The following NXPE2 variants were observed in gnomAD, a reference collection of about 807,000 sequenced individuals.
The protein encoded by NXPE2 is NXPE family member 2.
NXPE2 carries 34 observed loss-of-function variants against 34.4 expected under a neutral mutation model. The ratio of observed to expected loss-of-function variants is 0.99; its 90% CI spans 0.75 to 1.31. The LOEUF is 1.31. Ranked by LOEUF, NXPE2 falls within the 40% of genes most tolerant of loss-of-function variation. The pLI is 0.00. For missense variants in NXPE2, 649 were observed against 672.5 expected (o/e 0.97, Z 0.39); for synonymous variants, 235 against 231.3 (o/e 1.02, Z -0.15).
the NXPE2 span, among the ~76,000 whole-genome samples, chr11:114,597,878 A>G: frequency 6.6e-6 from 1 of 152,144 alleles, no homozygotes; most frequent in Non-Finnish European, 1.5e-5. Flanking sequence ...ATTTCAAAAT[A>G]CAATCATTGT....
At chr11:114,809,051 A>G in the NXPE2 span, among the ~76,000 whole-genome samples, 3 of 152,346 alleles carry the variant, frequency 2.0e-5, no homozygotes, top group Non-Finnish European at 2.9e-5. Context: ...ACACAAATCA[A>G]TAAATGTAAC....
the NXPE2 span, among the ~76,000 whole-genome samples, chr11:114,799,971 CTCCTCCCTCTCCCTCTT>C: frequency 9.1e-6 from 1 of 109,714 alleles, no homozygotes; most frequent in Non-Finnish European, 2.2e-5. Flanking sequence ...CTCTGTCTCC[CTCCTCCCTCTCCCTCTT>C]TCTTTCTAGG....
chr11:114,610,839 A>G, the NXPE2 span, among the ~76,000 whole-genome samples: 4 of 151,472 alleles, frequency 2.6e-5, no homozygotes, highest in African/African-American at 9.7e-5. Context: ...GATAATAAGT[A>G]TTGCCTCTAG....
At chr11:114,603,863 G>T in the NXPE2 span, among the ~76,000 whole-genome samples, 2 of 151,030 alleles carry the variant, frequency 1.3e-5, no homozygotes, top group Non-Finnish European at 2.9e-5. Context: ...CCTCTCCTAG[G>T]TAACTAATAT....
At chr11:114,773,279 A>ACCC in the NXPE2 span, among the ~76,000 whole-genome samples, 158 of 69,394 alleles carry the variant, frequency 2.3e-3, no homozygotes, top group African/African-American at 6.2e-3. Context: ...ACCCACTCCC[A>ACCC]CCCCCCCCCC....
the NXPE2 span, among the ~76,000 whole-genome samples, chr11:114,722,272 AT>A: frequency 6.6e-6 from 1 of 152,094 alleles, no homozygotes. Flanking sequence ...ATGAGATCTA[AT>A]GGTTTTATAA....
chr11:114,526,316 C>T, the NXPE2 span, among the ~76,000 whole-genome samples: 1 of 152,164 alleles, frequency 6.6e-6, no homozygotes, highest in East Asian at 1.9e-4. Flanking sequence ...TTTATTATAG[C>T]AGCAATAAGA....
the NXPE2 span, chr11:114,570,897 T>G: frequency 7.0e-7 from 1 of 1,431,026 alleles, no homozygotes; most frequent in South Asian, 1.4e-5. Context: ...AGTCAATAAA[T>G]TTTTTTACTT....
the NXPE2 span, among the ~76,000 whole-genome samples, chr11:114,508,145 C>T: frequency 1.3e-5 from 2 of 152,070 alleles, no homozygotes; most frequent in Non-Finnish European, 2.9e-5. Context: ...CTATTCACAA[C>T]TGCCACAAAA....
At chr11:114,505,870 C>T in the NXPE2 span, among the ~76,000 whole-genome samples, 2 of 151,812 alleles carry the variant, frequency 1.3e-5, no homozygotes, top group Admixed American at 1.3e-4. Context: ...CCCCATATAC[C>T]AATAATAACC....
At chr11:114,621,521 G>T in the NXPE2 span, among the ~76,000 whole-genome samples, 2 of 152,170 alleles carry the variant, frequency 1.3e-5, no homozygotes, top group Non-Finnish European at 2.9e-5. Flanking sequence ...TGCCTCGTGT[G>T]TAACCACTGT....
At chr11:114,740,658 T>G in the NXPE2 span, among the ~76,000 whole-genome samples, 3 of 152,202 alleles carry the variant, frequency 2.0e-5, no homozygotes, top group African/African-American at 7.2e-5. Context: ...TTGAATCAAA[T>G]GTTTTGCATA....
the NXPE2 span, among the ~76,000 whole-genome samples, chr11:114,523,968 T>C: frequency 1.8e-4 from 27 of 152,238 alleles, no homozygotes; most frequent in African/African-American, 6.0e-4. Context: ...CTGTCTCACA[T>C]AACAGGCCTG....
chr11:114,464,934 T>G, the NXPE2 span, among the ~76,000 whole-genome samples: 1 of 151,880 alleles, frequency 6.6e-6, no homozygotes, highest in African/African-American at 2.4e-5. Flanking sequence ...GAATGTCCAA[T>G]AAACAGGAAA....
At chr11:114,552,114 CA>C in the NXPE2 span, 5 of 152,222 alleles carry the variant, frequency 3.3e-5, no homozygotes, top group Non-Finnish European at 5.9e-5. Flanking sequence ...AGTGAGAGAA[CA>C]AAGGATCAGT....
chr11:114,722,539 T>C, the NXPE2 span, among the ~76,000 whole-genome samples: 1 of 152,296 alleles, frequency 6.6e-6, no homozygotes, highest in Non-Finnish European at 1.5e-5. Context: ...TTTTGTTACA[T>C]GTGTACATGG....
the NXPE2 span, among the ~76,000 whole-genome samples, chr11:114,785,976 T>TA: frequency 1.4e-3 from 214 of 152,032 alleles, no homozygotes; most frequent in African/African-American, 4.0e-3. Context: ...TTAGATAGTG[T>TA]AAAAAAAAGA....
chr11:114,690,113 A>C (rs1951123362), intron 2 of NXPE2, among the ~76,000 whole-genome samples: 1 of 152,004 alleles, frequency 6.6e-6, no homozygotes, highest in Admixed American at 6.6e-5. Context: ...TTGATATGTA[A>C]GGTTTTGTTC....
chr11:114,771,635 C>T, the NXPE2 span, among the ~76,000 whole-genome samples: 1 of 152,112 alleles, frequency 6.6e-6, no homozygotes, highest in Non-Finnish European at 1.5e-5. Flanking sequence ...TCACTGCATC[C>T]TTTGCGTGTA....
Sources: allele counts gnomAD v4.1 joint callset (sites outside exome capture counted in the v4.1 genomes callset), GRCh38; gene constraint gnomAD v4.1.1; transcripts MANE v1.5; gene names NCBI Gene and HGNC (gene_info 2026-07-23, HGNC 2026-07-21).